CASK: variants seen among roughly 807,000 people sequenced by gnomAD.
CASK encodes calcium/calmodulin dependent serine protein kinase.
Under a neutral mutation model 82.9 loss-of-function variants are expected in CASK, and 4 were observed. That is an observed-to-expected ratio of 0.05 (90% CI 0.02 to 0.11). The LOEUF (loss-of-function observed/expected upper bound fraction) is 0.11. Among genes scored for constraint, CASK ranks in the 10% least tolerant of loss-of-function variants. The probability of loss-of-function intolerance (pLI) is 1.00; values close to 1 mark genes in which losing one functional copy is unlikely to be tolerated. For synonymous variants in CASK, 259 were observed against 253.5 expected (o/e 1.02, Z -0.20); for missense variants, 358 against 720.9 (o/e 0.50, Z 5.76).
chrX:41,871,671 A>C (rs1366300693), intron 1 of CASK, among the ~76,000 whole-genome samples: 1 of 112,130 alleles, frequency 8.9e-6, no homozygotes, highest in Non-Finnish European at 1.9e-5. Context: ...GAGAAGTGGT[A>C]TACGGTTTCC....
chrX:41,818,513 G>T (rs1210804019), intron 2 of CASK, among the ~76,000 whole-genome samples: 1 of 109,757 alleles, frequency 9.1e-6, no homozygotes, highest in African/African-American at 3.3e-5. Flanking sequence ...TGAGGTGGGA[G>T]GATTGATTGA....
chrX:41,706,650 T>C (rs2067890860), intron 5 of CASK, among the ~76,000 whole-genome samples: 1 of 111,906 alleles, frequency 8.9e-6, no homozygotes, highest in Non-Finnish European at 1.9e-5. Context: ...TATATACATA[T>C]ACACATATAC....
intron 5 of CASK, among the ~76,000 whole-genome samples, chrX:41,737,147 G>C (rs1014451602): frequency 1.8e-5 from 2 of 111,930 alleles, no homozygotes; most frequent in Non-Finnish European, 3.8e-5. Flanking sequence ...GGAGCCCTAA[G>C]ACACTGTCTT....
intron 2 of CASK, among the ~76,000 whole-genome samples, chrX:41,842,716 GTAGGGATTTTGA>G (rs1263233475): frequency 7.2e-5 from 8 of 111,699 alleles, no homozygotes; most frequent in African/African-American, 2.3e-4. Flanking sequence ...AAAAGCGCCA[GTAGGGATTTTGA>G]TAGAGATAGC....
At chrX:41,804,220 C>T (rs957005994) in intron 2 of CASK, among the ~76,000 whole-genome samples, 23 of 110,573 alleles carry the variant, frequency 2.1e-4, no homozygotes, top group Non-Finnish European at 3.8e-4. Flanking sequence ...TGGTGGCGGG[C>T]GCCTGTGGTC....
intron 3 of CASK, among the ~76,000 whole-genome samples, chrX:41,773,877 T>A (rs1287684792): frequency 8.9e-6 from 1 of 111,781 alleles, no homozygotes; most frequent in Non-Finnish European, 1.9e-5. Flanking sequence ...CAGTAAGTGA[T>A]GAGTGAATGA....
chrX:41,841,905 T>C (rs774584946), intron 2 of CASK, among the ~76,000 whole-genome samples: 3 of 112,283 alleles, frequency 2.7e-5, no homozygotes, highest in Non-Finnish European at 5.6e-5. Flanking sequence ...TTTCTTTGGT[T>C]GCTTGTGCTT....
At chrX:41,757,908 T>C (rs1456843073) in intron 3 of CASK, among the ~76,000 whole-genome samples, 2 of 112,290 alleles carry the variant, frequency 1.8e-5, no homozygotes, top group Non-Finnish European at 3.8e-5. Flanking sequence ...ATCCCACATA[T>C]TGATGAATAT....
At chrX:41,730,554 G>A (rs1473114700) in intron 5 of CASK, among the ~76,000 whole-genome samples, 1 of 111,703 alleles carries the variant, frequency 9.0e-6, no homozygotes, top group Non-Finnish European at 1.9e-5. Context: ...AGACAAAGGA[G>A]ATTTGGGAAC....
At chrX:41,615,387 T>C (rs2066176110) in intron 11 of CASK, among the ~76,000 whole-genome samples, 1 of 111,195 alleles carries the variant, frequency 9.0e-6, no homozygotes, top group Non-Finnish European at 1.9e-5. Context: ...AAGCAAGAGA[T>C]GATGTGAAGA....
At chrX:41,624,276 G>T (rs1416239743) in intron 10 of CASK, 2 of 352,526 alleles carry the variant, frequency 5.7e-6, no homozygotes, top group Middle Eastern at 4.3e-4. Flanking sequence ...GAAACAATAA[G>T]AAGCACTGGG....
At chrX:41,679,532 T>G (rs1277431262) in intron 5 of CASK, among the ~76,000 whole-genome samples, 1 of 112,424 alleles carries the variant, frequency 8.9e-6, no homozygotes, top group Non-Finnish European at 1.9e-5. Context: ...TTTAGGCTAT[T>G]TCTAGTTTTT....
chrX:41,846,677 C>T (rs2071162345), intron 2 of CASK, among the ~76,000 whole-genome samples: 1 of 111,242 alleles, frequency 9.0e-6, no homozygotes, highest in South Asian at 3.8e-4. Flanking sequence ...TGATTGCATG[C>T]CTGTATCAAA....
At chrX:41,744,816 T>A (rs1325446850) in intron 4 of CASK, among the ~76,000 whole-genome samples, 3 of 111,210 alleles carry the variant, frequency 2.7e-5, no homozygotes, top group Non-Finnish European at 3.8e-5. Context: ...TTAATTATTG[T>A]GAGATAATTT....
chrX:41,718,336 T>C (rs1010023645), intron 5 of CASK, among the ~76,000 whole-genome samples: 1 of 113,046 alleles, frequency 8.8e-6, no homozygotes, highest in African/African-American at 3.2e-5. Flanking sequence ...AGCAAATTAA[T>C]TGGACCCAAA....
chrX:41,714,813 A>G (rs1226286723), intron 5 of CASK, among the ~76,000 whole-genome samples: 1 of 112,062 alleles, frequency 8.9e-6, no homozygotes, highest in Non-Finnish European at 1.9e-5. Context: ...TCAGAGAAAC[A>G]TTCAAATGGG....
chrX:41,758,011 G>A (rs984006789), intron 3 of CASK, among the ~76,000 whole-genome samples: 7 of 112,217 alleles, frequency 6.2e-5, no homozygotes, highest in African/African-American at 1.9e-4. Context: ...AAACTACTCC[G>A]TATTTGTGGG....
At chrX:41,711,520 A>T (rs1224960978) in intron 5 of CASK, among the ~76,000 whole-genome samples, 1 of 110,915 alleles carries the variant, frequency 9.0e-6, no homozygotes, top group African/African-American at 3.3e-5. Context: ...GATAGGGGCG[A>T]GTCCTCAGTG....
chrX:41,884,140 C>T (rs755840749), intron 1 of CASK, among the ~76,000 whole-genome samples: 6 of 112,304 alleles, frequency 5.3e-5, no homozygotes, highest in African/African-American at 1.6e-4. Flanking sequence ...GAGCCAGGGC[C>T]TGCCAAATGG....
Sources: allele counts gnomAD v4.1 joint callset (sites outside exome capture counted in the v4.1 genomes callset), GRCh38; gene constraint gnomAD v4.1.1; transcripts MANE v1.5; gene names NCBI Gene and HGNC (gene_info 2026-07-23, HGNC 2026-07-21).